The following VPS45 variants were observed in gnomAD, a reference collection of about 807,000 sequenced individuals.
VPS45 encodes vacuolar protein sorting 45 homolog, also known as vacuolar protein sorting-associated protein 45.
In VPS45, 35 loss-of-function variants were observed where a neutral mutation model predicts 75.9. The observed-to-expected ratio is 0.46, with a 90% CI of 0.35 to 0.61. The LOEUF (loss-of-function observed/expected upper bound fraction) is 0.61, where lower values mean the gene tolerates loss of function less well. Ranked by LOEUF, VPS45 falls within the 20% of genes least tolerant of loss-of-function variation. The pLI is 0.00. For missense variants in VPS45, 559 were observed against 685.9 expected, an observed-to-expected ratio of 0.81 and a Z score of 2.07; for synonymous variants, 220 against 238.2, an observed-to-expected ratio of 0.92 and a Z score of 0.70.
intron 14 of VPS45, among the ~76,000 whole-genome samples, chr1:150,138,316 C>G (rs368218148): frequency 6.6e-6 from 1 of 152,116 alleles, no homozygotes; most frequent in South Asian, 2.1e-4. Flanking sequence ...GCAGGCTGGT[C>G]GTTGTTATCA....
intron 13 of VPS45, among the ~76,000 whole-genome samples, chr1:150,101,414 A>G (rs1033806880): frequency 3.9e-5 from 6 of 152,216 alleles, no homozygotes; most frequent in Admixed American, 3.3e-4. Context: ...TACCATCTCA[A>G]CACCAGTCAG....
chr1:150,097,015 T>C (rs1361396647), intron 13 of VPS45, among the ~76,000 whole-genome samples: 2 of 150,844 alleles, frequency 1.3e-5, no homozygotes, highest in African/African-American at 4.9e-5. Flanking sequence ...TTAAATGACA[T>C]AACTCCTCAC....
At chr1:150,085,933 G>A (rs34334719) in intron 10 of VPS45, among the ~76,000 whole-genome samples, 3,014 of 152,058 alleles carry the variant, frequency 0.02, 33 homozygotes, top group Non-Finnish European at 0.029. Context: ...ATGAAGAAAA[G>A]CATCTTTAGA....
intron 13 of VPS45, among the ~76,000 whole-genome samples, chr1:150,101,306 A>T (rs1656973715): frequency 2.0e-5 from 3 of 150,564 alleles, no homozygotes; most frequent in Admixed American, 1.3e-4. Context: ...ATGAACAGCT[A>T]CTTCTCAAAA....
intron 14 of VPS45, among the ~76,000 whole-genome samples, chr1:150,115,821 T>A (rs2101619385): frequency 6.6e-6 from 1 of 152,326 alleles, no homozygotes; most frequent in South Asian, 2.1e-4. Flanking sequence ...AATTTTGATT[T>A]ATTTTCTTAC....
At chr1:150,134,509 A>C (rs1277105814) in intron 14 of VPS45, among the ~76,000 whole-genome samples, 1 of 152,218 alleles carries the variant, frequency 6.6e-6, no homozygotes, top group African/African-American at 2.4e-5. Context: ...CTCCAATTAC[A>C]TCCCTTATCT....
chr1:150,076,313 G>C lies in VPS45; in HGVS notation c.369+1G>C, dbSNP rs1655381798. On this transcript the variant is annotated splice_donor_variant, in intron 4 of 14. Coordinates refer to ENST00000644510, the MANE Select transcript of VPS45 (RefSeq NM_007259.5). LOFTEE classifies it high-confidence loss of function. Reference sequence around the variant, plus strand: ...ACAGGAAGTTGTGGCTGAGGTTCAGGTAAACATATTGGTCCTGTAACACAT... The same window carrying C: ...ACAGGAAGTTGTGGCTGAGGTTCAGCTAAACATATTGGTCCTGTAACACAT... The C allele has an allele frequency of 6.2e-7, 1 of 1,602,340 alleles. No individual in the cohort carries two copies. The highest frequency in any genetic ancestry group is 2.3e-5 in the East Asian group (1 of 44,304).
At chr1:150,117,814 G>A (rs1010846297) in intron 14 of VPS45, among the ~76,000 whole-genome samples, 1 of 152,038 alleles carries the variant, frequency 6.6e-6, no homozygotes, top group Non-Finnish European at 1.5e-5. Context: ...AGCTGAGATC[G>A]TACCACTGCA....
At chr1:150,121,076 C>G (rs1167717649) in intron 14 of VPS45, among the ~76,000 whole-genome samples, 1 of 151,762 alleles carries the variant, frequency 6.6e-6, no homozygotes, top group Non-Finnish European at 1.5e-5. Flanking sequence ...ACTGTGGTCT[C>G]GATCTCCTGA....
intron 10 of VPS45, among the ~76,000 whole-genome samples, chr1:150,088,727 C>T (rs1656162625): frequency 6.6e-6 from 1 of 152,072 alleles, no homozygotes. Flanking sequence ...AGTCCACCTG[C>T]ATCGGCCTCC....
chr1:150,125,308 T>A (rs1382749821), intron 14 of VPS45, among the ~76,000 whole-genome samples: 3 of 149,864 alleles, frequency 2.0e-5, no homozygotes, highest in Non-Finnish European at 4.4e-5. Context: ...TTTTTCTGTA[T>A]TGGATATGTA....
intron 13 of VPS45, among the ~76,000 whole-genome samples, chr1:150,097,549 T>C (rs1656738111): frequency 6.6e-6 from 1 of 151,486 alleles, no homozygotes; most frequent in Admixed American, 6.6e-5. Context: ...TGAAACCCTG[T>C]CTCTACTAAA....
At chr1:150,069,742 C>A (rs1319869430) in intron 2 of VPS45, among the ~76,000 whole-genome samples, 1 of 152,212 alleles carries the variant, frequency 6.6e-6, no homozygotes, top group East Asian at 1.9e-4. Context: ...AGGCGGGAGC[C>A]ACCGTGCCCG....
In VPS45 at chr1:150,111,168, A is replaced by G. The variant is rs998368095; in HGVS notation, c.1625+541A>G. The stretch of plus-strand genomic sequence containing the variant: ...AAGAACATTTAAAAATAAGAAAACA[A>G]GTGCCCAGAGAGGCAGATAAAAGGG... On this transcript the variant is annotated intron_variant, in intron 14 of 14. Transcript: ENST00000644510. Among the ~76,000 whole-genome samples the G allele has an allele frequency of 9.2e-5, 14 of 152,354 alleles. No homozygotes were observed. In the East Asian group the frequency reaches 2.7e-3, roughly 29 times the overall value.
At position 150,142,085 on chromosome 1, in the gene VPS45, A is replaced by G. The variant is rs1456735507; in HGVS notation, c.1626-2624A>G. Among the ~76,000 whole-genome samples the G allele has an allele frequency of 2.0e-5, 3 of 152,286 alleles. No homozygotes were observed. In the East Asian group the frequency reaches 5.8e-4, roughly 29 times the overall value. On this transcript the variant is annotated intron_variant, in intron 14 of 14. Transcript: ENST00000644510. ...AGCAATGACTCATTAGAGTCCCCAA[A>G]TAGTTTTTTTTTAAGTCATAGTGGC...
chr1:150,091,612 T>C (rs1348486569), intron 10 of VPS45, among the ~76,000 whole-genome samples: 4 of 152,206 alleles, frequency 2.6e-5, no homozygotes, highest in Non-Finnish European at 5.9e-5. Context: ...TGTTGTGCCG[T>C]ATTGATTCAA....
At chr1:150,088,434 A>AATATATATATATATATATATATAT (rs200780573) in intron 10 of VPS45, among the ~76,000 whole-genome samples, 52 of 125,494 alleles carry the variant, frequency 4.1e-4, no homozygotes, top group African/African-American at 1.4e-3. Flanking sequence ...CTGAATAATA[A>AATATATATATATATATATATATAT]ATATATATAT....
intron 14 of VPS45, among the ~76,000 whole-genome samples, chr1:150,118,515 C>T (rs1486761295): frequency 6.6e-6 from 1 of 151,840 alleles, no homozygotes; most frequent in Non-Finnish European, 1.5e-5. Flanking sequence ...AAGCAATTCT[C>T]CTGCCTCAGC....
At chr1:150,076,388 G>A in intron 4 of VPS45, 76 bp downstream of exon 4, 3 of 1,213,806 alleles carry the variant, frequency 2.5e-6, no homozygotes, top group South Asian at 3.0e-5. Flanking sequence ...TAAAAAATAA[G>A]GAAAGGTCTG....
Sources: allele counts gnomAD v4.1 joint callset (sites outside exome capture counted in the v4.1 genomes callset), GRCh38; gene constraint gnomAD v4.1.1; transcripts MANE v1.5; gene names NCBI Gene and HGNC (gene_info 2026-07-23, HGNC 2026-07-21).